The following CRACDL variants were observed in gnomAD, a reference collection of about 807,000 sequenced individuals.
The protein encoded by CRACDL is CRACD like.
A neutral mutation model predicts 70.6 loss-of-function variants in CRACDL; 26 were observed. The observed-to-expected ratio is 0.37, with a 90% CI of 0.27 to 0.51. CRACDL has a LOEUF of 0.51. Among genes scored for constraint, CRACDL ranks in the 20% least tolerant of loss-of-function variants. CRACDL has a pLI of 0.94. For missense variants in CRACDL, 1,283 were observed against 1,376.9 expected (o/e 0.93, Z 1.08); for synonymous variants, 618 against 615.2 (o/e 1.00, Z -0.07).
At chr2:98,880,411 C>G (rs1558620198) in intron 1 of CRACDL, among the ~76,000 whole-genome samples, 1 of 152,174 alleles carries the variant, frequency 6.6e-6, no homozygotes, top group Admixed American at 6.5e-5. Flanking sequence ...TAAGCAGTAG[C>G]TGAATAGAAT....
Position 98,838,139 on chromosome 2 carries a change from G to C in CRACDL, c.219C>G (p.Tyr73Ter). 1 of 1,608,976 alleles carries C rather than the reference G, an allele frequency of 6.2e-7. No individual in the cohort carries two copies. Among genetic ancestry groups the C allele is most frequent in the Non-Finnish European group, 8.5e-7 (1 of 1,177,860 alleles). Residue 73 changes from tyrosine to a stop codon, truncating the protein, a stop_gained, in exon 3 of 10, where the codon TAC (tyrosine) becomes TAG (stop). Transcript: ENST00000397899. LOFTEE classifies it high-confidence loss of function. The stretch of plus-strand genomic sequence containing the variant: ...CTTACTCCAGCTCATCCTCGGAGTC[G>C]TAGCCCACTGGCCCGGATTCGATGG... ...VIAIESGPVG[Y>*]DSEDELEESR...
chr2:98,796,340 CTGCAA>C, intron 8 of CRACDL, 76 bp from the exon 9 acceptor site: 1 of 1,461,304 alleles, frequency 6.8e-7, no homozygotes, highest in Non-Finnish European at 9.5e-7. Flanking sequence ...AGTGAAGGAG[CTGCAA>C]AGCTGCTCAT....
At chr2:98,799,749 C>T (rs1703995185) in intron 7 of CRACDL, among the ~76,000 whole-genome samples, 1 of 152,294 alleles carries the variant, frequency 6.6e-6, no homozygotes, top group Non-Finnish European at 1.5e-5. Flanking sequence ...ACCACTCCTT[C>T]CATCCTCCCA....
intron 7 of CRACDL, among the ~76,000 whole-genome samples, chr2:98,815,664 G>GGCA (rs1166863015): frequency 6.6e-6 from 1 of 152,208 alleles, no homozygotes; most frequent in Non-Finnish European, 1.5e-5. Context: ...GAGCTGCTGT[G>GGCA]GGGAGAGGCA....
intron 5 of CRACDL, among the ~76,000 whole-genome samples, chr2:98,831,538 CA>C (rs1333370616): frequency 6.6e-6 from 1 of 152,172 alleles, no homozygotes; most frequent in African/African-American, 2.4e-5. Flanking sequence ...TTTCAAATGT[CA>C]GCATAACAGA....
Position 98,822,816 on chromosome 2 carries a change from GC to G in CRACDL, c.1456del (p.Ala486ArgfsTer13), listed in dbSNP as rs1705130726. ...GGGCGCCGGCGGGCTCGGGGCGGGC[GC>G]CGTGGAGGGCTCGGTCCCAATTCTC... Reference protein sequence around the residue: ...PERIGTEPSTAPAPSPPAPKS... With the variant: ...PERIGTEPSTXPAPSPPAPKS... On this transcript the variant is annotated frameshift_variant, in exon 7 of 10. Coordinates refer to ENST00000397899, the MANE Select transcript of CRACDL (RefSeq NM_207362.3). LOFTEE classifies it high-confidence loss of function. The surrounding 1 kb of genome is among the most constrained non-coding windows in gnomAD (Gnocchi z 4.9). 7.2e-7 allele frequency: 1 copy of G among 1,385,082 alleles called. No homozygotes were observed. The highest frequency in any genetic ancestry group is 3.0e-5 in the Admixed American group (1 of 32,874). 85.8% of individuals were successfully genotyped at this position (1,385,082 alleles called of 1,614,324 possible). A position where few individuals can be genotyped will look rare whatever the true frequency, so the allele number is the denominator to read the frequency against.
intron 5 of CRACDL, among the ~76,000 whole-genome samples, chr2:98,830,921 C>T (rs1333293927): frequency 6.6e-6 from 1 of 152,144 alleles, no homozygotes; most frequent in Non-Finnish European, 1.5e-5. Flanking sequence ...GAGGGGGAGT[C>T]CATCTATGAT....
chr2:98,853,979 A>G (rs1447078290), intron 1 of CRACDL, among the ~76,000 whole-genome samples: 1 of 152,172 alleles, frequency 6.6e-6, no homozygotes, highest in East Asian at 1.9e-4. Flanking sequence ...AAATAGGAAG[A>G]ACAGAGGAAC....
At chr2:98,890,968 A>G (rs1445776919) in intron 1 of CRACDL, among the ~76,000 whole-genome samples, 1 of 151,918 alleles carries the variant, frequency 6.6e-6, no homozygotes, top group Non-Finnish European at 1.5e-5. Context: ...GAGGCAAGAG[A>G]ATTGCTTGAA....
intron 6 of CRACDL, 62 bp downstream of exon 6, chr2:98,826,913 G>GA: frequency 1.6e-6 from 2 of 1,282,320 alleles, no homozygotes; most frequent in South Asian, 1.3e-5. Flanking sequence ...GGTTGGGGGG[G>GA]GGCATAGGGG....
chr2:98,852,945 G>T (rs1706538081), intron 1 of CRACDL, among the ~76,000 whole-genome samples: 1 of 133,824 alleles, frequency 7.5e-6, no homozygotes, highest in Non-Finnish European at 1.6e-5. Context: ...GGAGAGAGAA[G>T]AAGGAAGGAG....
intron 1 of CRACDL, among the ~76,000 whole-genome samples, chr2:98,911,420 C>A (rs1438776377): frequency 6.6e-6 from 1 of 152,246 alleles, no homozygotes; most frequent in Admixed American, 6.5e-5. Flanking sequence ...CCACGGATTA[C>A]ATCAGGCTCC....
intron 9 of CRACDL, among the ~76,000 whole-genome samples, 165 bp from the exon 10 acceptor site, chr2:98,794,836 G>A (rs1214322803): frequency 1.3e-5 from 2 of 151,842 alleles, no homozygotes; most frequent in African/African-American, 2.4e-5. Flanking sequence ...CCTAGAATAT[G>A]TCATTTATGT....
chr2:98,805,392 A>T (rs902996135), intron 7 of CRACDL, among the ~76,000 whole-genome samples: 2 of 152,154 alleles, frequency 1.3e-5, no homozygotes, highest in African/African-American at 4.8e-5. Flanking sequence ...GCAAGTTTGC[A>T]CCCAGAGCTG....
Position 98,822,222 on chromosome 2 carries a change from A to G in CRACDL, c.2051T>C (p.Val684Ala). ...APSEDRNPFP[V>A]KLRSTSLSLK... ...CGAGAGGGAGGTGGACCGGAGCTTGACGGGGAAGGGGTTTCTGTCCTCACT... is the reference window on the plus strand; with the variant it reads ...CGAGAGGGAGGTGGACCGGAGCTTGGCGGGGAAGGGGTTTCTGTCCTCACT... The change falls in exon 7 of 10, where the codon GTC becomes GCC. Residue 684 changes from valine to alanine, a missense_variant. By Grantham distance (64) the Val-to-Ala change is moderately conservative. This residue lies in a region of CRACDL where 921 missense variants were observed against 881.9 expected (regional missense o/e 1.04). Coordinates refer to ENST00000397899, the MANE Select transcript of CRACDL (RefSeq NM_207362.3). This position sits in a 1 kb window ranked among gnomAD's most constrained non-coding sequence, Gnocchi z 4.9. The G allele has an allele frequency of 6.2e-7, 1 of 1,607,028 alleles. No homozygotes were observed. The highest frequency in any genetic ancestry group is 1.1e-5 in the South Asian group (1 of 90,824).
chr2:98,826,420 CAAAG>C (rs1705303859), intron 6 of CRACDL, among the ~76,000 whole-genome samples: 1 of 152,222 alleles, frequency 6.6e-6, no homozygotes, highest in Admixed American at 6.5e-5. Flanking sequence ...GACAGGGTCT[CAAAG>C]AAGACTGGCA....
chr2:98,894,074 T>C (rs932783060), intron 1 of CRACDL, among the ~76,000 whole-genome samples: 3 of 151,968 alleles, frequency 2.0e-5, no homozygotes, highest in African/African-American at 7.3e-5. Flanking sequence ...ACTCCGTGCC[T>C]GCACTCACCT....
rs1703873771 is a variant in CRACDL, at chr2:98,797,443, G to A, written c.2511C>T (p.Thr837=). The stretch of plus-strand genomic sequence containing the variant: ...CTTCCTGGTTGGGTGGCTGGTCCAA[G>A]GTCCCCCTCCGCTTCTGCCGAGTGA... The part of the protein sequence containing the change: ...ITVTRQKRRG[T]LDQPPNQEDK... Residue 837 remains threonine, a synonymous_variant, in exon 8 of 10, where the codon ACC becomes ACT. Transcript: ENST00000397899. The A allele has an allele frequency of 1.9e-6, 3 of 1,614,224 alleles. No individual in the cohort carries two copies. The highest frequency in any genetic ancestry group is 8.5e-7 in the Non-Finnish European group (1 of 1,180,044).
At chr2:98,924,911 C>T (rs1284846592) in intron 1 of CRACDL, among the ~76,000 whole-genome samples, 1 of 152,236 alleles carries the variant, frequency 6.6e-6, no homozygotes, top group Non-Finnish European at 1.5e-5. Context: ...AAATGCTTGC[C>T]TTTCCTTCTC....
Sources: allele counts gnomAD v4.1 joint callset (sites outside exome capture counted in the v4.1 genomes callset), GRCh38; gene constraint gnomAD v4.1.1; regional missense constraint gnomAD v4.1.1; non-coding constraint Gnocchi (gnomAD v3.1); transcripts MANE v1.5; gene names NCBI Gene and HGNC (gene_info 2026-07-23, HGNC 2026-07-21).